Variants in TAB2 observed in about 807,000 individuals in gnomAD.
TAB2 encodes the protein TGF-beta activated kinase 1 (MAP3K7) binding protein 2, also known as TGF-beta-activated kinase 1 and MAP3K7-binding protein 2.
Under a neutral mutation model 65.0 loss-of-function variants are expected in TAB2, and 3 were observed. That is an observed-to-expected ratio of 0.05 (90% CI 0.02 to 0.12). The LOEUF (loss-of-function observed/expected upper bound fraction) is 0.12, where lower values mean the gene tolerates loss of function less well. Ranked by LOEUF, TAB2 falls within the 10% of genes least tolerant of loss-of-function variation. TAB2 has a pLI of 1.00. For missense variants in TAB2, 623 were observed against 840.3 expected, an observed-to-expected ratio of 0.74 and a Z score of 3.20; for synonymous variants, 298 against 285.1, an observed-to-expected ratio of 1.05 and a Z score of -0.46.
intron 1 of TAB2, among the ~76,000 whole-genome samples, chr6:149,269,559 A>T (rs1226326195): frequency 2.0e-5 from 3 of 152,096 alleles, no homozygotes; most frequent in Non-Finnish European, 4.4e-5. Context: ...CAGTTACATC[A>T]CCCTAAAAAA....
chr6:149,221,867 C>T (rs1777156029), intron 1 of TAB2, among the ~76,000 whole-genome samples: 1 of 152,108 alleles, frequency 6.6e-6, no homozygotes, highest in African/African-American at 2.4e-5. Context: ...CACTACCAGA[C>T]TTAGGCAAAG....
intron 3 of TAB2, among the ~76,000 whole-genome samples, chr6:149,395,947 A>G (rs572267390): frequency 1.3e-5 from 2 of 152,066 alleles, no homozygotes; most frequent in East Asian, 1.9e-4. Flanking sequence ...TTTTCAGCCA[A>G]TATCTCTTCA....
At chr6:149,325,224 C>T (rs1308846688) in intron 1 of TAB2, among the ~76,000 whole-genome samples, 1 of 152,190 alleles carries the variant, frequency 6.6e-6, no homozygotes, top group Non-Finnish European at 1.5e-5. Flanking sequence ...CATTCACACA[C>T]TCTGAGCCAA....
intron 1 of TAB2, chr6:149,257,325 T>G (rs918951518): frequency 6.6e-6 from 1 of 152,168 alleles, no homozygotes; most frequent in African/African-American, 2.4e-5. Context: ...CCTGATAAAG[T>G]TCTTGGGGAA....
At chr6:149,331,507 AT>A (rs1779785409) in intron 1 of TAB2, among the ~76,000 whole-genome samples, 1 of 151,964 alleles carries the variant, frequency 6.6e-6, no homozygotes, top group Middle Eastern at 3.4e-3. Flanking sequence ...AGTTATTTAC[AT>A]TTTTTTCTTC....
chr6:149,304,106 T>G (rs1468208878), intron 1 of TAB2: 1 of 152,332 alleles, frequency 6.6e-6, no homozygotes, highest in East Asian at 1.9e-4. Flanking sequence ...CTGAATTTGT[T>G]CATTCTCTCC....
chr6:149,344,636 T>C (rs942504310), intron 1 of TAB2, among the ~76,000 whole-genome samples: 1 of 152,144 alleles, frequency 6.6e-6, no homozygotes, highest in Non-Finnish European at 1.5e-5. Flanking sequence ...GTTTGGACTT[T>C]AATAGGCAAT....
chr6:149,321,832 A>G (rs568567745), intron 1 of TAB2, among the ~76,000 whole-genome samples: 2 of 152,304 alleles, frequency 1.3e-5, no homozygotes, highest in East Asian at 3.9e-4. Flanking sequence ...AAAATTGATT[A>G]AAGTTTTGGC....
At chr6:149,329,160 A>G (rs976644572) in intron 1 of TAB2, among the ~76,000 whole-genome samples, 1 of 152,214 alleles carries the variant, frequency 6.6e-6, no homozygotes, top group Non-Finnish European at 1.5e-5. Flanking sequence ...ATGGAAGACA[A>G]GTTCTTAAAT....
intron 1 of TAB2, among the ~76,000 whole-genome samples, chr6:149,318,238 G>A (rs1199201705): frequency 1.3e-5 from 2 of 150,970 alleles, no homozygotes; most frequent in Non-Finnish European, 3.0e-5. Flanking sequence ...GGGGTGGGGA[G>A]CATCGGGCCG....
At chr6:149,389,645 CAA>C (rs370622661) in intron 3 of TAB2, among the ~76,000 whole-genome samples, 28,622 of 86,452 alleles carry the variant, frequency 0.33, 3,028 homozygotes, top group Middle Eastern at 0.38. Flanking sequence ...AACTCTGTGT[CAA>C]AAAAAAAAAA....
At chr6:149,385,046 GT>G (rs1281925126) in intron 3 of TAB2, among the ~76,000 whole-genome samples, 1 of 152,140 alleles carries the variant, frequency 6.6e-6, no homozygotes, top group Non-Finnish European at 1.5e-5. Flanking sequence ...CTACCATAGT[GT>G]TAAGCAGTAG....
At position 149,403,295 on chromosome 6, in the gene TAB2, C is replaced by CATATAT. The variant is rs1190885445; in HGVS notation, c.1939+4125_1939+4130dup. On this transcript the variant is annotated intron_variant, in intron 6 of 6. Coordinates refer to ENST00000637181, the MANE Select transcript of TAB2 (RefSeq NM_001292034.3). ...ATATATATATATATACACACACACA[C>CATATAT]ATATATATATATATATATACACACA... 3.3e-3 allele frequency among the ~76,000 whole-genome samples: 250 copies of CATATAT among 76,110 alleles called. 2 individuals carry two copies. The highest frequency in any genetic ancestry group is 5.2e-3 in the Non-Finnish European group (215 of 41,582). 49.9% of individuals were successfully genotyped at this position (76,110 alleles called of 152,430 possible).
upstream of TAB2, among the ~76,000 whole-genome samples, chr6:149,314,660 A>G (rs1490288899): frequency 6.6e-6 from 1 of 152,226 alleles, no homozygotes; most frequent in Non-Finnish European, 1.5e-5. Context: ...TATATAGTGC[A>G]GTCTGTTCTA....
At position 149,410,019 on chromosome 6, in the gene TAB2, G is replaced by T. The variant is rs1782795602; in HGVS notation, c.*300G>T. On this transcript the variant is annotated 3_prime_UTR_variant, in exon 7 of 7. Transcript: ENST00000637181. The stretch of plus-strand genomic sequence containing the variant: ...TAATTCTCAATATGTTAACACCTAG[G>T]TGTTCCCAATACCTTTTTCCCCTCA... 2.4e-6 allele frequency: 1 copy of T among 423,394 alleles called. No individual in the cohort carries two copies. The highest frequency in any genetic ancestry group is 3.9e-5 in the Admixed American group (1 of 25,576). 26.2% of individuals were successfully genotyped at this position (423,394 alleles called of 1,614,324 possible).
At chr6:149,318,216 C>A (rs1264303470) in intron 1 of TAB2, among the ~76,000 whole-genome samples, 1 of 151,982 alleles carries the variant, frequency 6.6e-6, no homozygotes, top group African/African-American at 2.4e-5. Flanking sequence ...CCCCGAGTCC[C>A]CCAGTCCGGT....
chr6:149,283,334 A>C (rs1224736612), intron 1 of TAB2, among the ~76,000 whole-genome samples: 1 of 152,252 alleles, frequency 6.6e-6, no homozygotes, highest in Non-Finnish European at 1.5e-5. Context: ...TTCATATGAT[A>C]TGACAGGAAG....
chr6:149,373,939 T>C (rs1007434452), intron 2 of TAB2, among the ~76,000 whole-genome samples: 1 of 152,158 alleles, frequency 6.6e-6, no homozygotes, highest in Non-Finnish European at 1.5e-5. Flanking sequence ...ATTCATGTCG[T>C]ATACCGAGGA....
chr6:149,339,382 AAAG>A (rs1780030940), intron 1 of TAB2, among the ~76,000 whole-genome samples: 1 of 147,448 alleles, frequency 6.8e-6, no homozygotes, highest in Admixed American at 7.0e-5. Flanking sequence ...AAAATGAAAA[AAAG>A]AAAAAAAATC....
Sources: allele counts gnomAD v4.1 joint callset (sites outside exome capture counted in the v4.1 genomes callset), GRCh38; gene constraint gnomAD v4.1.1; transcripts MANE v1.5; gene names NCBI Gene and HGNC (gene_info 2026-07-23, HGNC 2026-07-21).